MGST1: variants seen among roughly 807,000 people sequenced by gnomAD.
MGST1 encodes glutathione S-transferase 12.
In MGST1, 5 loss-of-function variants were observed where a neutral mutation model predicts 8.9. The ratio of observed to expected loss-of-function variants is 0.56; its 90% CI spans 0.29 to 1.19. The LOEUF (loss-of-function observed/expected upper bound fraction) is 1.19. MGST1 is among the 50% of genes most tolerant of loss of function. MGST1 has a pLI of 0.08. For synonymous variants in MGST1, 54 were observed against 67.8 expected, an observed-to-expected ratio of 0.80 and a Z score of 1.00; for missense variants, 182 against 187.4, an observed-to-expected ratio of 0.97 and a Z score of 0.17.
intron 1 of MGST1, among the ~76,000 whole-genome samples, chr12:16,394,703 T>C (rs1474222463): frequency 6.6e-6 from 1 of 152,050 alleles, no homozygotes; most frequent in East Asian, 1.9e-4. Flanking sequence ...GTTCAAGCAA[T>C]TCTTGTGCCT....
intron 4 of MGST1, among the ~76,000 whole-genome samples, chr12:16,567,941 A>G (rs1336811525): frequency 1.3e-5 from 2 of 152,180 alleles, no homozygotes; most frequent in African/African-American, 4.8e-5. Context: ...GATCTGACCC[A>G]TTTTAACAAC....
At chr12:16,545,833 T>C (rs1941820872) in intron 4 of MGST1, among the ~76,000 whole-genome samples, 1 of 152,024 alleles carries the variant, frequency 6.6e-6, no homozygotes, top group African/African-American at 2.4e-5. Flanking sequence ...AACTCTGATA[T>C]GTTTGGAATT....
At chr12:16,478,357 C>T (rs1941338535) in intron 4 of MGST1, among the ~76,000 whole-genome samples, 1 of 152,058 alleles carries the variant, frequency 6.6e-6, no homozygotes, top group Non-Finnish European at 1.5e-5. Flanking sequence ...GCCTCCCTCT[C>T]CTCTCATTCT....
rs1427603098 is a variant in MGST1 at position 16,582,589 on chromosome 12, T to C, written n.483-6939T>C. 6.6e-6 allele frequency among the ~76,000 whole-genome samples: 1 copy of C among 152,178 alleles called. No individual in the cohort carries two copies. The highest frequency in any genetic ancestry group is 2.4e-5 in the African/African-American group (1 of 41,446). On this transcript the variant is annotated intron_variant and non_coding_transcript_variant, in intron 4 of 4. Coordinates refer to the MGST1 transcript ENST00000538857. This position sits in a 1 kb window ranked among gnomAD's most constrained non-coding sequence, Gnocchi z 4.1. ...ATTGCTTAAGCTTGTTGGAGAGTAA[T>C]GGGCTACGGGTAGAGATTGAGCCAT...
At position 16,586,568 on chromosome 12, in the gene MGST1, T is replaced by C. The variant is rs1943327748; in HGVS notation, n.483-2960T>C. ...CAGGCCAACTGAATTCTGGAGGACA[T>C]ATGCAAAGACACTGCATTTCATCTT... is the stretch of plus-strand genomic sequence containing the variant. On this transcript the variant is annotated intron_variant and non_coding_transcript_variant, in intron 4 of 4. Coordinates refer to the MGST1 transcript ENST00000538857. This position sits in a 1 kb window ranked among gnomAD's most constrained non-coding sequence, Gnocchi z 4.3. 6.6e-6 allele frequency among the ~76,000 whole-genome samples: 1 copy of C among 152,192 alleles called. No individual in the cohort carries two copies. The highest frequency in any genetic ancestry group is 1.5e-5 in the Non-Finnish European group (1 of 68,034).
chr12:16,471,082 T>G (rs1941287379), intron 4 of MGST1, among the ~76,000 whole-genome samples: 2 of 152,250 alleles, frequency 1.3e-5, no homozygotes, highest in African/African-American at 4.8e-5. Flanking sequence ...CCCTGCTGCA[T>G]TTTCCACTAG....
intron 4 of MGST1, among the ~76,000 whole-genome samples, chr12:16,463,684 C>T (rs1941236205): frequency 6.6e-6 from 1 of 151,522 alleles, no homozygotes; most frequent in African/African-American, 2.4e-5. Context: ...AAAATAGATT[C>T]TACTTTGATC....
chr12:16,415,062 G>A (rs1940776758), intron 1 of MGST1, among the ~76,000 whole-genome samples: 1 of 152,058 alleles, frequency 6.6e-6, no homozygotes, highest in Non-Finnish European at 1.5e-5. Flanking sequence ...ATATGCTTTA[G>A]CATGTATTGT....
chr12:16,399,668 G>T, intron 1 of MGST1: 2 of 1,553,494 alleles, frequency 1.3e-6, no homozygotes, highest in Non-Finnish European at 8.9e-7. Context: ...GAAAAGACCA[G>T]ACACCTTGTT....
downstream of MGST1, among the ~76,000 whole-genome samples, chr12:16,590,168 TTATAAA>T (rs1451254767): frequency 5.3e-5 from 8 of 152,112 alleles, no homozygotes; most frequent in African/African-American, 1.9e-4. Context: ...AATCCCACTG[TTATAAA>T]TAGAAATTAA....
At chr12:16,566,105 C>G (rs1269711697) in intron 4 of MGST1, among the ~76,000 whole-genome samples, 1 of 140,394 alleles carries the variant, frequency 7.1e-6, no homozygotes, top group Non-Finnish European at 1.5e-5. Flanking sequence ...CCTGGATGAA[C>G]CTGGAGGGCA....
chr12:16,512,184 T>C (rs1779079883), intron 4 of MGST1, among the ~76,000 whole-genome samples: 1 of 152,108 alleles, frequency 6.6e-6, no homozygotes, highest in Non-Finnish European at 1.5e-5. Flanking sequence ...TGCCATAAGG[T>C]ATGCACGGAC....
chr12:16,397,975 G>C (rs1277700675), intron 1 of MGST1, among the ~76,000 whole-genome samples: 1 of 151,520 alleles, frequency 6.6e-6, no homozygotes, highest in Non-Finnish European at 1.5e-5. Context: ...TTTACATGCT[G>C]AGTCTTCTAA....
intron 4 of MGST1, among the ~76,000 whole-genome samples, chr12:16,510,626 T>C (rs1312960750): frequency 6.6e-6 from 1 of 152,228 alleles, no homozygotes; most frequent in Non-Finnish European, 1.5e-5. Context: ...GTGAATAGTA[T>C]AAGTTTCTCA....
chr12:16,380,410 A>G (rs1940438629), downstream of MGST1, among the ~76,000 whole-genome samples: 1 of 152,194 alleles, frequency 6.6e-6, no homozygotes, highest in Non-Finnish European at 1.5e-5. Context: ...CCCAGTAGTC[A>G]TTCAGGAGCA....
intron 4 of MGST1, among the ~76,000 whole-genome samples, chr12:16,456,345 T>C (rs1941172015): frequency 6.6e-6 from 1 of 151,902 alleles, no homozygotes; most frequent in African/African-American, 2.4e-5. Context: ...TCATTTATAA[T>C]ATTAATCATT....
At chr12:16,499,653 T>TC (rs1007410581) in intron 4 of MGST1, among the ~76,000 whole-genome samples, 14 of 152,100 alleles carry the variant, frequency 9.2e-5, no homozygotes, top group African/African-American at 3.4e-4. Flanking sequence ...GTTTTTTTTT[T>TC]TCTCTCTACA....
rs543644928 is a variant in MGST1 at position 16,460,122 on chromosome 12, C to A, written n.482+76518C>A. Among the ~76,000 whole-genome samples, 6 of 152,206 alleles carry A rather than the reference C, an allele frequency of 3.9e-5. No individual in the cohort carries two copies. The East Asian group carries it at 1.2e-3, about 29-fold the overall frequency. On this transcript the variant is annotated intron_variant and non_coding_transcript_variant, in intron 4 of 4. Coordinates refer to the MGST1 transcript ENST00000538857. Reference sequence around the variant, plus strand: ...CCATGTAGGAAATTTAGTATAGTGCCTGGCACAGAATGAAGTCTTAATAAA... The same window carrying A: ...CCATGTAGGAAATTTAGTATAGTGCATGGCACAGAATGAAGTCTTAATAAA...
Position 16,559,321 on chromosome 12 carries a change from AAAAATAT to A in MGST1, n.483-30204_483-30198del, listed in dbSNP as rs1942304618. Reference sequence around the variant, plus strand: ...GTAGTATATAGTTTTCACAGAAATAAAAAATATAACTTTCAATAAGAAAAAATGGAAT... The same window carrying A: ...GTAGTATATAGTTTTCACAGAAATAAAACTTTCAATAAGAAAAAATGGAAT... On this transcript the variant is annotated intron_variant and non_coding_transcript_variant, in intron 4 of 4. Coordinates refer to the MGST1 transcript ENST00000538857. The surrounding 1 kb of genome is among the most constrained non-coding windows in gnomAD (Gnocchi z 4.1). 6.6e-6 allele frequency among the ~76,000 whole-genome samples: 1 copy of A among 152,226 alleles called. No homozygotes were observed. The highest frequency in any genetic ancestry group is 2.4e-5 in the African/African-American group (1 of 41,458).
Sources: allele counts gnomAD v4.1 joint callset (sites outside exome capture counted in the v4.1 genomes callset), GRCh38; gene constraint gnomAD v4.1.1; non-coding constraint Gnocchi (gnomAD v3.1); transcripts MANE v1.5; gene names NCBI Gene and HGNC (gene_info 2026-07-23, HGNC 2026-07-21).